Variants in PTPRZ1 observed in about 807,000 individuals in gnomAD.
PTPRZ1 encodes the protein receptor-type tyrosine-protein phosphatase zeta.
PTPRZ1 carries 82 observed loss-of-function variants against 214.1 expected under a neutral mutation model. That is an observed-to-expected ratio of 0.38 (90% CI 0.32 to 0.46). The LOEUF (loss-of-function observed/expected upper bound fraction) is 0.46. Ranked by LOEUF, PTPRZ1 falls within the 20% of genes least tolerant of loss-of-function variation. PTPRZ1 has a pLI of 1.00. For synonymous variants in PTPRZ1, 945 were observed against 987.9 expected (o/e 0.96, Z 0.81); for missense variants, 2,603 against 2,748.7 (o/e 0.95, Z 1.19).
intron 1 of PTPRZ1, among the ~76,000 whole-genome samples, chr7:121,895,357 G>C (rs1794756442): frequency 1.3e-5 from 2 of 152,114 alleles, no homozygotes; most frequent in Admixed American, 1.3e-4. Flanking sequence ...TGAATTGTAG[G>C]CTTTTAAGAA....
At chr7:121,990,517 T>TC (rs935983750) in intron 8 of PTPRZ1, among the ~76,000 whole-genome samples, 1 of 139,538 alleles carries the variant, frequency 7.2e-6, no homozygotes, top group Non-Finnish European at 1.6e-5. Context: ...ACTGTCTTTT[T>TC]TTTTTTTTTT....
At chr7:121,946,273 A>G (rs144293901) in intron 2 of PTPRZ1, among the ~76,000 whole-genome samples, 95 of 152,346 alleles carry the variant, frequency 6.2e-4, no homozygotes, top group African/African-American at 2.1e-3. Flanking sequence ...ATCCCTAGGT[A>G]TTCCTGTATG....
intron 2 of PTPRZ1, among the ~76,000 whole-genome samples, chr7:121,939,072 A>G (rs1339680149): frequency 6.6e-6 from 1 of 152,242 alleles, no homozygotes; most frequent in Non-Finnish European, 1.5e-5. Context: ...GATAGTTGTT[A>G]CTTTATTTCC....
chr7:121,967,283 A>G (rs1797073305), intron 2 of PTPRZ1, among the ~76,000 whole-genome samples: 1 of 152,222 alleles, frequency 6.6e-6, no homozygotes, highest in African/African-American at 2.4e-5. Context: ...AAACAATAAA[A>G]TGTGCTAGGC....
Position 122,051,493 on chromosome 7 carries a change from A to G in PTPRZ1, c.6150A>G (p.Glu2050=), listed in dbSNP as rs1441957885. ...CAGCCCTAAAGCAATGCAACAGGGA[A>G]AAGAATCGAACTTCTTCTATCATCC... ...YSAALKQCNR[E]KNRTSSIIPV... is the part of the protein sequence containing the mutation. The change falls in exon 24 of 30, where the codon GAA becomes GAG. Residue 2050 remains glutamate (E), a synonymous_variant. Coordinates refer to ENST00000393386, the MANE Select transcript of PTPRZ1 (RefSeq NM_002851.3). 6.2e-7 allele frequency: 1 copy of G among 1,613,592 alleles called. No individual in the cohort carries two copies. Among genetic ancestry groups the G allele is most frequent in the African/African-American group, 1.3e-5 (1 of 74,896 alleles).
At chr7:121,876,620 A>G (rs781366205) in intron 1 of PTPRZ1, among the ~76,000 whole-genome samples, 6 of 152,362 alleles carry the variant, frequency 3.9e-5, no homozygotes, top group Non-Finnish European at 7.3e-5. Flanking sequence ...GTAACCACAT[A>G]TAAAAAATAT....
chr7:121,953,747 T>C (rs1040126024), intron 2 of PTPRZ1, among the ~76,000 whole-genome samples: 1 of 152,198 alleles, frequency 6.6e-6, no homozygotes, highest in African/African-American at 2.4e-5. Flanking sequence ...GTCAGTGCCA[T>C]TGAGGAGAGC....
chr7:122,011,213 G>A lies in PTPRZ1; in HGVS notation c.2167G>A (p.Val723Ile), dbSNP rs996578813. Residue 723 changes from valine to isoleucine, a missense_variant, in exon 12 of 30, where the codon GTA becomes ATA. By Grantham distance (29) the Val-to-Ile change is conservative. This residue lies in a region of PTPRZ1 where 1,913 missense variants were observed against 1,914.3 expected (regional missense o/e 1.00). Coordinates refer to ENST00000393386, the MANE Select transcript of PTPRZ1 (RefSeq NM_002851.3). ...TACCTTTGCCTACTTCCCAACTGAG[G>A]TAACACCTCATGCTTTTACCCCATC... Reference protein sequence around the residue: ...YSTFAYFPTEVTPHAFTPSSR... With the variant: ...YSTFAYFPTEITPHAFTPSSR... 3.7e-6 allele frequency: 6 copies of A among 1,614,066 alleles called. No individual in the cohort carries two copies. The highest frequency in any genetic ancestry group is 3.3e-4 in the Middle Eastern group (2 of 6,062).
chr7:122,033,837 T>A, intron 15 of PTPRZ1: 1 of 463,416 alleles, frequency 2.2e-6, no homozygotes, highest in Non-Finnish European at 3.8e-6. Flanking sequence ...ATTTTTAAAA[T>A]CATCATATTA....
chr7:122,042,836 G>A, intron 22 of PTPRZ1, 93 bp downstream of exon 22: 1 of 1,355,346 alleles, frequency 7.4e-7, no homozygotes, highest in South Asian at 1.3e-5. Flanking sequence ...GCAAAACAAA[G>A]TAATACAAAC....
Position 121,993,107 on chromosome 7 carries a change from G to A in PTPRZ1, c.929-3275G>A, listed in dbSNP as rs572387310. Among the ~76,000 whole-genome samples, 15 of 152,206 alleles carry A rather than the reference G, an allele frequency of 9.9e-5. No individual in the cohort carries two copies. The South Asian group carries it at 2.7e-3, about 27-fold the overall frequency. On this transcript the variant is annotated intron_variant, in intron 8 of 29. Coordinates refer to ENST00000393386, the MANE Select transcript of PTPRZ1 (RefSeq NM_002851.3). ...GAGAGAATGAAGCTTCAACAGTTTC[G>A]AACTCCTCATGATCAGGAAAATTAT...
At chr7:121,999,034 C>A (rs1798238177) in intron 10 of PTPRZ1, among the ~76,000 whole-genome samples, 1 of 152,104 alleles carries the variant, frequency 6.6e-6, no homozygotes, top group Non-Finnish European at 1.5e-5. Flanking sequence ...CTTACCATAG[C>A]TGTTCTTACT....
chr7:122,001,307 A>G (rs1363641877), intron 10 of PTPRZ1, among the ~76,000 whole-genome samples: 2 of 152,212 alleles, frequency 1.3e-5, no homozygotes, highest in Admixed American at 6.5e-5. Context: ...AAATAATTTC[A>G]TAAATATATT....
At chr7:121,975,904 GT>G (rs1163590051) in intron 4 of PTPRZ1, among the ~76,000 whole-genome samples, 1 of 152,048 alleles carries the variant, frequency 6.6e-6, no homozygotes, top group Non-Finnish European at 1.5e-5. Flanking sequence ...CCATAAAGCA[GT>G]TAAAGTAATA....
chr7:121,957,945 G>C (rs1796759102), intron 2 of PTPRZ1, among the ~76,000 whole-genome samples: 1 of 152,094 alleles, frequency 6.6e-6, no homozygotes, highest in Non-Finnish European at 1.5e-5. Flanking sequence ...GTCTATTCAT[G>C]CTTTGTTTTT....
chr7:122,017,528 T>C (rs1327328698), intron 12 of PTPRZ1, among the ~76,000 whole-genome samples: 1 of 150,436 alleles, frequency 6.6e-6, no homozygotes, highest in Non-Finnish European at 1.5e-5. Flanking sequence ...TATATTCCTG[T>C]GATACATTAC....
At chr7:121,940,791 C>T (rs1325679205) in intron 2 of PTPRZ1, among the ~76,000 whole-genome samples, 2 of 151,770 alleles carry the variant, frequency 1.3e-5, no homozygotes, top group Non-Finnish European at 2.9e-5. Flanking sequence ...TGATTCTCCC[C>T]ATCACCTGCC....
chr7:121,935,417 G>A (rs560857090), intron 2 of PTPRZ1, among the ~76,000 whole-genome samples: 8 of 152,228 alleles, frequency 5.3e-5, no homozygotes, highest in East Asian at 1.9e-4. Flanking sequence ...GTCTGAGCTG[G>A]AACTGTCTGG....
rs1462555202 is a variant in PTPRZ1, at chr7:121,928,110, CAT to C, written c.59-41_59-40del. 3.0e-6 allele frequency: 4 copies of C among 1,346,308 alleles called. No individual in the cohort carries two copies. The Admixed American group carries it at 7.2e-5, about 24-fold the overall frequency. The allele number at this position is 1,346,308 out of a possible 1,614,324, so 83.4% of individuals were successfully genotyped here. A position where few individuals can be genotyped will look rare whatever the true frequency, so the allele number is the denominator to read the frequency against. Reference sequence around the variant, plus strand: ...AATTTGGGCATCTTTTATTTTTGGACATATATTTTTCTACATACTGATTACTT... The same window carrying C: ...AATTTGGGCATCTTTTATTTTTGGACATATTTTTCTACATACTGATTACTT... On this transcript the variant is annotated intron_variant, in intron 1 of 29. Transcript: ENST00000393386.
Sources: allele counts gnomAD v4.1 joint callset (sites outside exome capture counted in the v4.1 genomes callset), GRCh38; gene constraint gnomAD v4.1.1; regional missense constraint gnomAD v4.1.1; transcripts MANE v1.5; gene names NCBI Gene and HGNC (gene_info 2026-07-23, HGNC 2026-07-21).